Variants in WDR7 observed in about 807,000 individuals in gnomAD.
WDR7 encodes WD repeat domain 7, also known as WD repeat-containing protein 7.
In WDR7, 46 loss-of-function variants were observed where a neutral mutation model predicts 169.4. The ratio of observed to expected loss-of-function variants is 0.27; its 90% CI spans 0.21 to 0.35. WDR7 has a LOEUF of 0.35. WDR7 is among the 10% of genes least tolerant of loss of function. WDR7 has a pLI of 1.00. For missense variants in WDR7, 1,534 were observed against 1,859.3 expected, an observed-to-expected ratio of 0.83 and a Z score of 3.22; for synonymous variants, 612 against 666.8, an observed-to-expected ratio of 0.92 and a Z score of 1.27.
chr18:56,995,877 T>A (rs2047892975), intron 26 of WDR7, among the ~76,000 whole-genome samples: 5 of 152,186 alleles, frequency 3.3e-5, no homozygotes, highest in Admixed American at 2.0e-4. Context: ...GGAGATAGAA[T>A]GGGGTCTGCA....
Position 56,845,817 on chromosome 18 carries a change from A to G in WDR7, c.3304+29673A>G, listed in dbSNP as rs139960579. Among the ~76,000 whole-genome samples the G allele has an allele frequency of 2.0e-5, 3 of 152,340 alleles. No individual in the cohort carries two copies. In the East Asian group the frequency reaches 5.8e-4, roughly 29 times the overall value. ...AACTGCATATATGTACTTTAAAACA[A>G]GAATCGACAAAGAAACAATTGTTTT... On this transcript the variant is annotated intron_variant, in intron 20 of 27. Transcript: ENST00000254442.
At chr18:56,710,888 A>G (rs2026072636) in intron 12 of WDR7, among the ~76,000 whole-genome samples, 1 of 152,198 alleles carries the variant, frequency 6.6e-6, no homozygotes, top group African/African-American at 2.4e-5. Context: ...TCAACCCCCA[A>G]AATGTTAACT....
chr18:56,839,948 G>A (rs1332273930), intron 20 of WDR7, among the ~76,000 whole-genome samples: 1 of 152,166 alleles, frequency 6.6e-6, no homozygotes, highest in East Asian at 1.9e-4. Flanking sequence ...TGTAATCCCA[G>A]CTACTCGGGA....
chr18:57,000,361 TAAA>T (rs34051603), intron 26 of WDR7, among the ~76,000 whole-genome samples: 4 of 152,184 alleles, frequency 2.6e-5, no homozygotes, highest in Admixed American at 2.0e-4. Context: ...TTTTTCTTAA[TAAA>T]AAAGGTGTCA....
At chr18:56,814,458 A>G (rs1168750215) in intron 19 of WDR7, among the ~76,000 whole-genome samples, 1 of 152,046 alleles carries the variant, frequency 6.6e-6, no homozygotes. Context: ...TTACCTTCTC[A>G]TCTCCTCTCT....
At chr18:56,728,448 T>G (rs1220885819) in intron 13 of WDR7, among the ~76,000 whole-genome samples, 1 of 152,182 alleles carries the variant, frequency 6.6e-6, no homozygotes, top group Non-Finnish European at 1.5e-5. Context: ...ATTGTCTTGC[T>G]TTACAGCTGA....
rs570420254 is a variant in WDR7, at chr18:56,780,343, A to T, written c.3066+794A>T. On this transcript the variant is annotated intron_variant, in intron 18 of 27. Transcript: ENST00000254442. Reference sequence around the variant, plus strand: ...CAGGATTCTTAATTTTCCAAATATAAGTACGAGTAATATAATTGCTTCTTT... The same window carrying T: ...CAGGATTCTTAATTTTCCAAATATATGTACGAGTAATATAATTGCTTCTTT... 2.6e-5 allele frequency among the ~76,000 whole-genome samples: 4 copies of T among 152,310 alleles called. No homozygotes were observed. In the South Asian group the frequency reaches 8.3e-4, roughly 32 times the overall value.
At chr18:56,939,206 AG>A (rs1441386292) in intron 24 of WDR7, 104 bp from the exon 25 acceptor site, 1 of 697,614 alleles carries the variant, frequency 1.4e-6, no homozygotes, top group African/African-American at 1.9e-5. Context: ...ACTAAAATAA[AG>A]CTATATAGAC....
rs1050457931 is a variant in WDR7, at chr18:57,027,095, C to T, written c.4361C>T (p.Pro1454Leu). 2 of 1,614,080 alleles carry T rather than the reference C, an allele frequency of 1.2e-6. No individual in the cohort carries two copies. Among genetic ancestry groups the T allele is most frequent in the Admixed American group, 3.3e-5 (2 of 60,008 alleles). ...IKTYQVPPVQ[P>L]ASPGSHNALK... ...ACCTACCAGGTGCCCCCTGTGCAGC[C>T]CGCGTCCCCCGGCTCCCACAATGCC... Residue 1454 changes from proline to leucine, a missense_variant, in exon 28 of 28, where the codon CCC becomes CTC. By Grantham distance (98) the Pro-to-Leu change is moderately conservative (BLOSUM62 -3). Coordinates refer to ENST00000254442, the MANE Select transcript of WDR7 (RefSeq NM_015285.3).
chr18:56,963,539 G>A (rs777817107), intron 26 of WDR7, among the ~76,000 whole-genome samples: 1 of 152,116 alleles, frequency 6.6e-6, no homozygotes, highest in Non-Finnish European at 1.5e-5. Flanking sequence ...GGTCAGACAA[G>A]TTTAGGGGAT....
chr18:56,736,889 C>T (rs530298877), intron 14 of WDR7, among the ~76,000 whole-genome samples: 7 of 152,186 alleles, frequency 4.6e-5, no homozygotes, highest in African/African-American at 1.7e-4. Context: ...GGGAGGATAA[C>T]AGGTGGGACA....
At chr18:56,981,005 A>G (rs1379419103) in intron 26 of WDR7, among the ~76,000 whole-genome samples, 1 of 152,194 alleles carries the variant, frequency 6.6e-6, no homozygotes, top group East Asian at 1.9e-4. Flanking sequence ...CTGTGTGGGG[A>G]ATGGATTCAG....
chr18:56,968,873 A>C (rs1246565758), intron 26 of WDR7, among the ~76,000 whole-genome samples: 1 of 152,096 alleles, frequency 6.6e-6, no homozygotes, highest in Non-Finnish European at 1.5e-5. Flanking sequence ...CATTTACTGG[A>C]TTTCCTAATC....
At chr18:57,000,381 C>T (rs1326518744) in intron 26 of WDR7, among the ~76,000 whole-genome samples, 1 of 152,084 alleles carries the variant, frequency 6.6e-6, no homozygotes, top group Non-Finnish European at 1.5e-5. Context: ...GTCAATTAAG[C>T]ACGATATAAA....
chr18:56,983,022 G>A (rs2047667837), intron 26 of WDR7, among the ~76,000 whole-genome samples: 1 of 152,164 alleles, frequency 6.6e-6, no homozygotes. Flanking sequence ...CAGGATTTAG[G>A]CAAGCTGATC....
At chr18:56,798,677 A>G (rs1195023263) in intron 19 of WDR7, among the ~76,000 whole-genome samples, 1 of 152,164 alleles carries the variant, frequency 6.6e-6, no homozygotes, top group East Asian at 1.9e-4. Context: ...TATTTATGTA[A>G]AATTAAATTA....
intron 1 of WDR7, among the ~76,000 whole-genome samples, chr18:56,662,787 A>C (rs1361636661): frequency 2.0e-5 from 3 of 152,254 alleles, no homozygotes; most frequent in Non-Finnish European, 4.4e-5. Context: ...CATAAAAAAC[A>C]ATCAGAAAAA....
At chr18:56,917,018 A>AAACC (rs1343774412) in intron 21 of WDR7, among the ~76,000 whole-genome samples, 1 of 152,146 alleles carries the variant, frequency 6.6e-6, no homozygotes, top group Non-Finnish European at 1.5e-5. Context: ...CAACATGGTG[A>AAACC]AACCCTGTCT....
At chr18:56,841,521 G>A (rs1299776584) in intron 20 of WDR7, among the ~76,000 whole-genome samples, 1 of 150,984 alleles carries the variant, frequency 6.6e-6, no homozygotes, top group Non-Finnish European at 1.5e-5. Flanking sequence ...ACTCCAGCCT[G>A]GACGACAGAG....
Sources: allele counts gnomAD v4.1 joint callset (sites outside exome capture counted in the v4.1 genomes callset), GRCh38; gene constraint gnomAD v4.1.1; transcripts MANE v1.5; gene names NCBI Gene and HGNC (gene_info 2026-07-23, HGNC 2026-07-21).